SYNE2: variants seen among roughly 807,000 people sequenced by gnomAD.
The protein encoded by SYNE2 is nesprin-2.
In SYNE2, 431 loss-of-function variants were observed where a neutral mutation model predicts 856.3. The observed-to-expected ratio is 0.50, with a 90% CI of 0.47 to 0.55. The LOEUF (loss-of-function observed/expected upper bound fraction) is 0.55, where lower values mean the gene tolerates loss of function less well. Among genes scored for constraint, SYNE2 ranks in the 20% least tolerant of loss-of-function variants. The pLI, the probability that SYNE2 is intolerant of heterozygous loss-of-function variation, is 0.00. For synonymous variants in SYNE2, 2,923 were observed against 2,872.3 expected, an observed-to-expected ratio of 1.02 and a Z score of -0.56; for missense variants, 8,129 against 8,023.2, an observed-to-expected ratio of 1.01 and a Z score of -0.50.
intron 1 of SYNE2, among the ~76,000 whole-genome samples, chr14:63,766,147 C>T (rs1000146991): frequency 6.7e-6 from 1 of 150,350 alleles, no homozygotes; most frequent in Admixed American, 6.7e-5. Context: ...GGCATGATCT[C>T]GGCTCACTGC....
intron 99 of SYNE2, among the ~76,000 whole-genome samples, chr14:64,196,060 C>CT (rs1460259762): frequency 2.0e-5 from 3 of 152,192 alleles, no homozygotes; most frequent in Non-Finnish European, 1.5e-5. Flanking sequence ...GTCCAGTGTA[C>CT]TGAGCCTCAG....
chr14:64,083,926 A>ATTT (rs527947618), intron 57 of SYNE2, among the ~76,000 whole-genome samples: 1 of 144,958 alleles, frequency 6.9e-6, no homozygotes, highest in Non-Finnish European at 1.5e-5. Context: ...TAGAAAACTA[A>ATTT]TTTTTTTTTT....
rs1171241578 is a variant in SYNE2 at position 64,074,043 on chromosome 14, G to A, written c.10773G>A (p.Glu3591=). The A allele has an allele frequency of 6.2e-7, 1 of 1,614,068 alleles. No homozygotes were observed. The highest frequency in any genetic ancestry group is 8.5e-7 in the Non-Finnish European group (1 of 1,180,016). The change falls in exon 53 of 116, where the codon GAG becomes GAA. Residue 3591 remains glutamate, a synonymous_variant. Coordinates refer to ENST00000555002, the MANE Select transcript of SYNE2 (RefSeq NM_182914.3). ...AAGAAAGACATTCCTTCACAAAAGA[G>A]ATAATTGCTTTGAAGAATTTCTTTC... is the stretch of plus-strand genomic sequence containing the variant. ...EIQERHSFTK[E]IIALKNFFQQ... is the part of the protein sequence containing the mutation.
chr14:64,122,831 G>A (rs540542985), intron 70 of SYNE2, among the ~76,000 whole-genome samples: 69 of 152,246 alleles, frequency 4.5e-4, no homozygotes, highest in African/African-American at 1.5e-3. Flanking sequence ...GGCCAGGCGC[G>A]GTGGCTCACG....
chr14:64,143,986 CT>C, intron 83 of SYNE2, 38 bp downstream of exon 83: 1 of 1,611,194 alleles, frequency 6.2e-7, no homozygotes, highest in Non-Finnish European at 8.5e-7. Flanking sequence ...GTGGTTTGAC[CT>C]TTATGAAACA....
chr14:63,897,305 A>G (rs1009936821), intron 1 of SYNE2, among the ~76,000 whole-genome samples: 5 of 152,184 alleles, frequency 3.3e-5, no homozygotes, highest in African/African-American at 1.2e-4. Context: ...ATATGACTTC[A>G]TAGCATGTCT....
chr14:63,993,707 A>T (rs1056352844), intron 21 of SYNE2, 128 bp from the exon 22 acceptor site: 64 of 787,902 alleles, frequency 8.1e-5, no homozygotes, highest in Non-Finnish European at 4.8e-5. Flanking sequence ...AAATCTTCAG[A>T]TATTCTTCAG....
rs768570736 is a variant in SYNE2, at chr14:64,134,214, A to G, written c.14646+14A>G. On this transcript the variant is annotated intron_variant, in intron 78 of 115. Transcript: ENST00000555002. ...TCATTTTACCAGGTATTTGTCTTCC[A>G]TTTAAGTTATCAAAGGCGTGTCCAT... 41 of 1,613,820 alleles carry G rather than the reference A, an allele frequency of 2.5e-5. No homozygotes were observed. The highest frequency in any genetic ancestry group is 2.5e-5 in the Non-Finnish European group (30 of 1,179,836).
At chr14:64,043,066 T>C (rs1156819621) in intron 45 of SYNE2, among the ~76,000 whole-genome samples, 6 of 152,178 alleles carry the variant, frequency 3.9e-5, no homozygotes, top group Non-Finnish European at 8.8e-5. Flanking sequence ...GAGGAACTTG[T>C]TGGGAACTGG....
At chr14:64,100,221 A>G (rs531874420) in intron 63 of SYNE2, 4 of 152,178 alleles carry the variant, frequency 2.6e-5, no homozygotes, top group African/African-American at 7.2e-5. Flanking sequence ...TCAGTAAACT[A>G]TCGCAAGAAC....
intron 65 of SYNE2, among the ~76,000 whole-genome samples, chr14:64,111,185 G>A (rs1567331006): frequency 1.3e-5 from 2 of 148,698 alleles, no homozygotes; most frequent in East Asian, 4.1e-4. Context: ...GGGCAACATG[G>A]CAAGACCCCA....
chr14:64,025,356 T>C lies in SYNE2; in HGVS notation c.6187T>C (p.Ser2063Pro). The stretch of plus-strand genomic sequence containing the variant: ...TCATTGGATAAAAGAGATTAAAGAG[T>C]CCCTTATGGTTTTGAATTCATCCGA... ...VIHWIKEIKE[S>P]LMVLNSSEGK... The change falls in exon 41 of 116, where the codon TCC becomes CCC. Residue 2063 changes from serine to proline, a missense_variant. By Grantham distance (74) the Ser-to-Pro change is moderately conservative (BLOSUM62 -1). Transcript: ENST00000555002. 6.2e-7 allele frequency: 1 copy of C among 1,613,888 alleles called. No homozygotes were observed. The highest frequency in any genetic ancestry group is 8.5e-7 in the Non-Finnish European group (1 of 1,179,956).
chr14:63,950,470 G>A (rs750596627), intron 7 of SYNE2, among the ~76,000 whole-genome samples: 10 of 152,114 alleles, frequency 6.6e-5, no homozygotes, highest in Admixed American at 3.3e-4. Flanking sequence ...CAGGAGAATC[G>A]CTTGAACCTG....
intron 70 of SYNE2, among the ~76,000 whole-genome samples, chr14:64,124,366 A>T (rs2097920873): frequency 6.8e-6 from 1 of 146,946 alleles, no homozygotes; most frequent in African/African-American, 2.6e-5. Flanking sequence ...TACTTTAAAA[A>T]TTTTTGTATA....
At chr14:64,217,863 A>G (rs1447938946) in intron 108 of SYNE2, among the ~76,000 whole-genome samples, 1 of 152,226 alleles carries the variant, frequency 6.6e-6, no homozygotes, top group Non-Finnish European at 1.5e-5. Flanking sequence ...TAACAGCCCA[A>G]TCGGCTGTGT....
intron 53 of SYNE2, among the ~76,000 whole-genome samples, chr14:64,075,104 A>G (rs576631739): frequency 2.0e-5 from 3 of 152,294 alleles, no homozygotes; most frequent in South Asian, 2.1e-4. Flanking sequence ...TCTGCTGAGG[A>G]TTAAGAAAAG....
chr14:63,827,399 T>C (rs1595150517), intron 1 of SYNE2, among the ~76,000 whole-genome samples: 2 of 150,270 alleles, frequency 1.3e-5, no homozygotes, highest in Admixed American at 1.3e-4. Context: ...CCGAGGCAGG[T>C]GGATCACCTA....
At chr14:64,053,739 G>A in intron 48 of SYNE2, 82 bp downstream of exon 48, 8 of 1,429,310 alleles carry the variant, frequency 5.6e-6, no homozygotes, top group Non-Finnish European at 7.6e-6. Context: ...GGCCAAGGCT[G>A]GCGGATCACT....
intron 2 of SYNE2, among the ~76,000 whole-genome samples, chr14:63,930,496 A>C (rs1038174368): frequency 8.0e-5 from 12 of 150,472 alleles, no homozygotes; most frequent in Non-Finnish European, 1.5e-5. Flanking sequence ...GTACACCTTC[A>C]TCTGGCTGCT....
Sources: allele counts gnomAD v4.1 joint callset (sites outside exome capture counted in the v4.1 genomes callset), GRCh38; gene constraint gnomAD v4.1.1; transcripts MANE v1.5; gene names NCBI Gene and HGNC (gene_info 2026-07-23, HGNC 2026-07-21).